PARN: variants seen among roughly 807,000 people sequenced by gnomAD.
The protein encoded by PARN is poly(A)-specific ribonuclease.
A neutral mutation model predicts 102.8 loss-of-function variants in PARN; 71 were observed. That is an observed-to-expected ratio of 0.69 (90% CI 0.57 to 0.84). The LOEUF is 0.84. PARN is among the 40% of genes least tolerant of loss of function. The pLI is 0.00. For missense variants in PARN, 782 were observed against 760.9 expected (o/e 1.03, Z -0.33); for synonymous variants, 261 against 252.9 (o/e 1.03, Z -0.30).
chr16:14,451,425 T>C (rs1961440607), intron 22 of PARN, among the ~76,000 whole-genome samples: 1 of 152,208 alleles, frequency 6.6e-6, no homozygotes, highest in South Asian at 2.1e-4. Context: ...CTGGGCTATA[T>C]TCATACAACG....
intron 23 of PARN, 118 bp downstream of exon 23, chr16:14,446,770 G>T: frequency 1.6e-6 from 1 of 633,434 alleles, no homozygotes; most frequent in Non-Finnish European, 2.7e-6. Context: ...TTTGGTGGAA[G>T]ACTACATGGG....
intron 21 of PARN, among the ~76,000 whole-genome samples, chr16:14,535,351 T>C (rs1966565950): frequency 6.6e-6 from 1 of 152,220 alleles, no homozygotes; most frequent in South Asian, 2.1e-4. Context: ...TTCACTCTGG[T>C]ATTAAAGTGA....
intron 18 of PARN, among the ~76,000 whole-genome samples, chr16:14,574,861 C>T (rs1969024754): frequency 6.6e-6 from 1 of 152,158 alleles, no homozygotes; most frequent in East Asian, 1.9e-4. Context: ...ATCACAGGCC[C>T]AGAAGTTTAG....
At chr16:14,606,654 A>C in intron 9 of PARN, 128 bp from the exon 10 acceptor site, 1 of 510,376 alleles carries the variant, frequency 2.0e-6, no homozygotes, top group Non-Finnish European at 3.5e-6. Flanking sequence ...TATCACTACA[A>C]TGGAGACTTT....
At chr16:14,455,090 TAA>T (rs1480636854) in intron 22 of PARN, among the ~76,000 whole-genome samples, 2 of 152,328 alleles carry the variant, frequency 1.3e-5, no homozygotes, top group East Asian at 1.9e-4. Flanking sequence ...CACAAATATT[TAA>T]AAGTTATTCT....
Position 14,552,084 on chromosome 16 carries a change from T to C in PARN, c.1417A>G (p.Ile473Val), listed in dbSNP as rs758872789. Residue 473 changes from isoleucine to valine, a missense_variant, in exon 21 of 24, where the codon ATA (isoleucine) becomes GTA (valine). Coordinates refer to ENST00000437198, the MANE Select transcript of PARN (RefSeq NM_002582.4). ...QLFSAFGNIQ[I>V]SWIDDTSAFV... is the part of the protein sequence containing the mutation. Reference sequence around the variant, plus strand: ...GCTGATGTGTCATCAATCCAGGATATCTGAATGTTACCTGCAATCGCAAAT... The same window carrying C: ...GCTGATGTGTCATCAATCCAGGATACCTGAATGTTACCTGCAATCGCAAAT... 6.2e-7 allele frequency: 1 copy of C among 1,607,338 alleles called. No homozygotes were observed. Among genetic ancestry groups the C allele is most frequent in the Non-Finnish European group, 8.5e-7 (1 of 1,175,024 alleles).
At chr16:14,571,825 A>T (rs1968831587) in intron 18 of PARN, among the ~76,000 whole-genome samples, 1 of 152,210 alleles carries the variant, frequency 6.6e-6, no homozygotes, top group Admixed American at 6.5e-5. Flanking sequence ...AGGGTGAGTA[A>T]CTTGCCCAAG....
At chr16:14,443,262 T>C (rs1961025234) in intron 23 of PARN, among the ~76,000 whole-genome samples, 1 of 151,822 alleles carries the variant, frequency 6.6e-6, no homozygotes, top group Admixed American at 6.6e-5. Flanking sequence ...ATCTTCGATA[T>C]CAAAATGTAT....
chr16:14,629,218 G>A (rs548653002), intron 2 of PARN, among the ~76,000 whole-genome samples: 1 of 152,300 alleles, frequency 6.6e-6, no homozygotes, highest in South Asian at 2.1e-4. Context: ...ACAGCAATGT[G>A]AATGTACTTA....
In PARN at chr16:14,446,973, C is replaced by G. The variant is rs1384912048; in HGVS notation, c.1779G>C (p.Gln593His). The G allele has an allele frequency of 6.2e-7, 1 of 1,613,812 alleles. No homozygotes were observed. Among genetic ancestry groups the G allele is most frequent in the Non-Finnish European group, 8.5e-7 (1 of 1,179,724 alleles). ...AGAGGGGCTCTGCACAGGAATCGGTCTGCTCAAGCTCAGTGTCGGAAATCT... is the reference window on the plus strand; with the variant it reads ...AGAGGGGCTCTGCACAGGAATCGGTGTGCTCAAGCTCAGTGTCGGAAATCT... ...SGEISDTELE[Q>H]TDSCAEPLSE... is the part of the protein sequence containing the mutation. The change falls in exon 23 of 24, where the codon CAG (glutamine) becomes CAC (histidine). Residue 593 changes from glutamine (Q) to histidine (H), a missense_variant. By Grantham distance (24) the Gln-to-His change is conservative. Transcript: ENST00000437198.
chr16:14,602,711 C>A (rs531904606), intron 11 of PARN, among the ~76,000 whole-genome samples: 1 of 152,214 alleles, frequency 6.6e-6, no homozygotes, highest in South Asian at 2.1e-4. Context: ...TAAGGAGCTG[C>A]TATGAGGCCA....
intron 22 of PARN, among the ~76,000 whole-genome samples, chr16:14,451,869 C>CAAAAAAAAAAAAAA (rs869041563): frequency 7.8e-4 from 41 of 52,494 alleles, no homozygotes; most frequent in Non-Finnish European, 8.7e-4. Flanking sequence ...AAAAAAAATA[C>CAAAAAAAAAAAAAA]AAAAAAAAAA....
At chr16:14,441,552 G>A (rs1960943432) in intron 23 of PARN, among the ~76,000 whole-genome samples, 2 of 152,334 alleles carry the variant, frequency 1.3e-5, no homozygotes, top group African/African-American at 4.8e-5. Context: ...AAACGCTGAA[G>A]GGGGTACGCC....
chr16:14,528,098 C>T (rs185255631), intron 21 of PARN, among the ~76,000 whole-genome samples: 76 of 152,286 alleles, frequency 5.0e-4, no homozygotes, highest in African/African-American at 1.8e-3. Flanking sequence ...TTTTTAAAAC[C>T]ATGCCCAAAC....
chr16:14,598,907 C>T (rs1239351431), intron 12 of PARN, among the ~76,000 whole-genome samples: 2 of 152,098 alleles, frequency 1.3e-5, no homozygotes, highest in African/African-American at 4.8e-5. Flanking sequence ...TTCTCCCAGG[C>T]CAACTGCTCA....
chr16:14,557,725 T>C lies in PARN; in HGVS notation c.1263-2016A>G, dbSNP rs534241090. Among the ~76,000 whole-genome samples the C allele has an allele frequency of 3.3e-5, 5 of 152,312 alleles. No homozygotes were observed. In the South Asian group the frequency reaches 1.0e-3, roughly 32 times the overall value. ...AATTTAATAAACCAAATTCTATGGCTAAGAAACCAAATTTATTTTTAGTTC... is the reference window on the plus strand; with the variant it reads ...AATTTAATAAACCAAATTCTATGGCCAAGAAACCAAATTTATTTTTAGTTC... On this transcript the variant is annotated intron_variant, in intron 18 of 23. Transcript: ENST00000437198.
chr16:14,450,024 A>C (rs1264968051), intron 22 of PARN, among the ~76,000 whole-genome samples: 15 of 152,242 alleles, frequency 9.9e-5, no homozygotes, highest in Admixed American at 9.8e-4. Flanking sequence ...TCATTACAGC[A>C]TTATTTGGAA....
chr16:14,483,258 GC>G (rs1237915253), intron 21 of PARN, among the ~76,000 whole-genome samples: 1 of 152,120 alleles, frequency 6.6e-6, no homozygotes, highest in African/African-American at 2.4e-5. Context: ...AAGCAATATT[GC>G]CAGTGGTGGC....
At chr16:14,559,740 C>G (rs1050552003) in intron 18 of PARN, among the ~76,000 whole-genome samples, 4 of 151,914 alleles carry the variant, frequency 2.6e-5, no homozygotes, top group African/African-American at 9.7e-5. Context: ...CACAGAAACC[C>G]CTTTCAAATG....
Sources: gnomAD v4.1 joint callset for allele counts (sites outside exome capture counted in the v4.1 genomes callset) on GRCh38, gnomAD v4.1.1 for gene constraint, MANE v1.5 for transcripts, NCBI Gene and HGNC (gene_info 2026-07-23, HGNC 2026-07-21) for gene names.